Variants in NCAM1 observed in about 807,000 individuals in gnomAD.
NCAM1 encodes neural cell adhesion molecule 1, also known as antigen recognized by monoclonal antibody 5.1H11.
In NCAM1, 14 loss-of-function variants were observed where a neutral mutation model predicts 109.8. The ratio of observed to expected loss-of-function variants is 0.13; its 90% CI spans 0.08 to 0.20. The LOEUF (loss-of-function observed/expected upper bound fraction) is 0.20. NCAM1 is among the 10% of genes least tolerant of loss of function. NCAM1 has a pLI of 1.00. For missense variants in NCAM1, 774 were observed against 1,109.9 expected (o/e 0.70, Z 4.30); for synonymous variants, 418 against 442.9 (o/e 0.94, Z 0.70).
rs571760873 is a variant in NCAM1, at chr11:113,074,429, T to C, written c.52+112765T>C. ...ACTTTGAAGCAACTTGAGTTCTTTA[T>C]GAGTTATGCCTAAAATTAAAATCTT... is the stretch of plus-strand genomic sequence containing the variant. On this transcript the variant is annotated intron_variant, in intron 1 of 19. Transcript: ENST00000316851. 2.6e-5 allele frequency among the ~76,000 whole-genome samples: 4 copies of C among 152,294 alleles called. No homozygotes were observed. In the East Asian group the frequency reaches 5.8e-4, roughly 22 times the overall value.
intron 1 of NCAM1, chr11:113,041,192 G>A (rs1255385170): frequency 6.6e-6 from 1 of 152,164 alleles, no homozygotes; most frequent in African/African-American, 2.4e-5. Flanking sequence ...AAATAGATAT[G>A]TGCAGGATTT....
chr11:112,974,035 C>G (rs1950945273), intron 1 of NCAM1, among the ~76,000 whole-genome samples: 1 of 152,040 alleles, frequency 6.6e-6, no homozygotes, highest in Non-Finnish European at 1.5e-5. Flanking sequence ...ATGGTTGAGC[C>G]ATAAAATTTA....
At chr11:113,025,778 CGAGAGAGAGAGAGAGAGA>C (rs199893109) in intron 1 of NCAM1, among the ~76,000 whole-genome samples, 19,391 of 118,936 alleles carry the variant, frequency 0.16, 1,714 homozygotes, top group East Asian at 0.33. Context: ...CACAGGGAGC[CGAGAGAGAGAGAGAGAGA>C]GAGAGAGAGA....
intron 17 of NCAM1, among the ~76,000 whole-genome samples, chr11:113,266,646 G>C (rs554400810): frequency 5.9e-5 from 9 of 152,290 alleles, no homozygotes; most frequent in African/African-American, 2.2e-4. Context: ...TCCCATAAAA[G>C]TGGGGAGCCC....
intron 1 of NCAM1, among the ~76,000 whole-genome samples, chr11:113,192,770 A>G (rs1591403117): frequency 6.6e-6 from 1 of 152,218 alleles, no homozygotes. Context: ...TGCTGCAGGC[A>G]TCCCAGATTT....
At chr11:113,122,317 C>T (rs1028854168) in intron 1 of NCAM1, among the ~76,000 whole-genome samples, 2 of 152,206 alleles carry the variant, frequency 1.3e-5, no homozygotes, top group Non-Finnish European at 2.9e-5. Context: ...GTATTAACTG[C>T]ACTGTATTAA....
chr11:112,975,142 G>A (rs1565358713), intron 1 of NCAM1, among the ~76,000 whole-genome samples: 1 of 151,946 alleles, frequency 6.6e-6, no homozygotes, highest in African/African-American at 2.4e-5. Flanking sequence ...GAGTTTTGAG[G>A]AAACTTTTCT....
intron 1 of NCAM1, among the ~76,000 whole-genome samples, chr11:113,036,611 A>G (rs1555079212): frequency 6.6e-6 from 1 of 151,706 alleles, no homozygotes; most frequent in East Asian, 1.9e-4. Flanking sequence ...TTTGGAGTTC[A>G]TCCTTCTTGC....
chr11:113,267,946 A>G (rs1287962563), intron 17 of NCAM1, among the ~76,000 whole-genome samples: 3 of 152,256 alleles, frequency 2.0e-5, no homozygotes, highest in African/African-American at 7.2e-5. Flanking sequence ...AATTAGTGCC[A>G]TTGAGTCCAA....
At position 112,987,311 on chromosome 11, in the gene NCAM1, A is replaced by G. The variant is rs116335947; in HGVS notation, c.52+25647A>G. On this transcript the variant is annotated intron_variant, in intron 1 of 19. Coordinates refer to ENST00000316851, the MANE Select transcript of NCAM1 (RefSeq NM_181351.5). Reference sequence around the variant, plus strand: ...TTGTCAAAATTTGGTTCATGGCCTAACATATGGTCTGTCCTGGAGATTGTT... The same window carrying G: ...TTGTCAAAATTTGGTTCATGGCCTAGCATATGGTCTGTCCTGGAGATTGTT... Among the ~76,000 whole-genome samples, 978 of 152,244 alleles carry G rather than the reference A, an allele frequency of 6.4e-3. 10 individuals are homozygous for G. Among genetic ancestry groups the G allele is most frequent in the African/African-American group, 0.022 (921 of 41,570 alleles).
intron 1 of NCAM1, among the ~76,000 whole-genome samples, chr11:113,164,894 T>C (rs1414607391): frequency 6.6e-6 from 1 of 152,148 alleles, no homozygotes; most frequent in Non-Finnish European, 1.5e-5. Flanking sequence ...CTAATCATGA[T>C]TTGGTCTTCC....
chr11:113,190,043 G>A (rs975882703), intron 1 of NCAM1, among the ~76,000 whole-genome samples: 31 of 152,070 alleles, frequency 2.0e-4, no homozygotes, highest in Admixed American at 9.8e-4. Context: ...GTGTTTGGTC[G>A]TGTTCCCCCA....
intron 1 of NCAM1, among the ~76,000 whole-genome samples, chr11:113,007,349 C>T (rs1032494229): frequency 1.3e-5 from 2 of 152,124 alleles, no homozygotes; most frequent in Non-Finnish European, 2.9e-5. Flanking sequence ...TCTAAGCCAC[C>T]ATGTCTGGTC....
At chr11:112,969,265 A>G (rs1555066348) in intron 1 of NCAM1, among the ~76,000 whole-genome samples, 1 of 152,152 alleles carries the variant, frequency 6.6e-6, no homozygotes, top group East Asian at 1.9e-4. Flanking sequence ...AGAAAAAAAA[A>G]TTCTGCAAGT....
At chr11:113,214,192 G>A (rs1944462746) in intron 7 of NCAM1, among the ~76,000 whole-genome samples, 177 bp from the exon 8 acceptor site, 2 of 152,144 alleles carry the variant, frequency 1.3e-5, no homozygotes, top group Admixed American at 1.3e-4. Context: ...TTTCCGTGTT[G>A]TCACATGCCT....
At chr11:112,981,465 G>A (rs1302602507) in intron 1 of NCAM1, among the ~76,000 whole-genome samples, 2 of 151,862 alleles carry the variant, frequency 1.3e-5, no homozygotes, top group Admixed American at 1.3e-4. Context: ...ATAATTCTTA[G>A]ATGGTATGTA....
At chr11:113,145,083 A>G (rs1200864712) in intron 1 of NCAM1, among the ~76,000 whole-genome samples, 3 of 152,250 alleles carry the variant, frequency 2.0e-5, no homozygotes, top group Non-Finnish European at 2.9e-5. Context: ...ATAAGAATTC[A>G]TAATACACTG....
intron 1 of NCAM1, among the ~76,000 whole-genome samples, chr11:112,983,577 G>C (rs1439667030): frequency 6.6e-6 from 1 of 151,804 alleles, no homozygotes; most frequent in Admixed American, 6.6e-5. Context: ...AGTAAGGACA[G>C]GTTGTATCAG....
intron 16 of NCAM1, 40 bp from the exon 17 acceptor site, chr11:113,260,106 T>C (rs1945946533): frequency 1.9e-6 from 3 of 1,553,382 alleles, no homozygotes; most frequent in Non-Finnish European, 2.6e-6. Flanking sequence ...CTAAAGCTTT[T>C]TTGGTCTCTT....
Sources: gnomAD v4.1 joint callset for allele counts (sites outside exome capture counted in the v4.1 genomes callset) on GRCh38, gnomAD v4.1.1 for gene constraint, MANE v1.5 for transcripts, NCBI Gene and HGNC (gene_info 2026-07-23, HGNC 2026-07-21) for gene names.